Variants in LSS observed in about 807,000 individuals in gnomAD.
LSS encodes the protein lanosterol synthase.
LSS carries 90 observed loss-of-function variants against 110.3 expected under a neutral mutation model. That is an observed-to-expected ratio of 0.82 (90% CI 0.69 to 0.97). The LOEUF is 0.97. Ranked by LOEUF, LSS falls within the 50% of genes least tolerant of loss-of-function variation. The pLI, the probability that LSS is intolerant of heterozygous loss-of-function variation, is 0.00. For missense variants in LSS, 927 were observed against 990.0 expected (o/e 0.94, Z 0.85); for synonymous variants, 433 against 400.0 (o/e 1.08, Z -0.98).
At chr21:46,224,196 T>G (rs892785127) in intron 3 of LSS, among the ~76,000 whole-genome samples, 1 of 152,338 alleles carries the variant, frequency 6.6e-6, no homozygotes, top group South Asian at 2.1e-4. Context: ...CTGTGTCTCC[T>G]CTCTCTGCCT....
intron 15 of LSS, 63 bp downstream of exon 15, chr21:46,207,365 T>C: frequency 2.5e-6 from 4 of 1,580,178 alleles, no homozygotes; most frequent in Non-Finnish European, 3.4e-6. Context: ...GGAGTGGAAG[T>C]GAGCACGCAG....
At chr21:46,212,740 G>C (rs1320583229) in intron 11 of LSS, among the ~76,000 whole-genome samples, 1 of 152,222 alleles carries the variant, frequency 6.6e-6, no homozygotes, top group Non-Finnish European at 1.5e-5. Flanking sequence ...CAAGATGAGA[G>C]CTTCTGCAGC....
intron 3 of LSS, among the ~76,000 whole-genome samples, chr21:46,226,408 G>A (rs1001945106): frequency 1.1e-4 from 16 of 152,190 alleles, no homozygotes; most frequent in Non-Finnish European, 1.6e-4. Flanking sequence ...GTCTAAACAG[G>A]CCCTGATGGG....
intron 17 of LSS, among the ~76,000 whole-genome samples, chr21:46,205,154 T>C (rs966699126): frequency 1.3e-5 from 2 of 152,172 alleles, no homozygotes; most frequent in African/African-American, 4.8e-5. Flanking sequence ...GTGTTCACAG[T>C]AGATGCTTCA....
chr21:46,196,815 G>A (rs2079915833), intron 17 of LSS, among the ~76,000 whole-genome samples: 1 of 152,210 alleles, frequency 6.6e-6, no homozygotes, highest in African/African-American at 2.4e-5. Flanking sequence ...GTGTGACCGC[G>A]ACTCCCATGG....
intron 14 of LSS, 77 bp downstream of exon 14, chr21:46,208,174 T>A: frequency 7.2e-7 from 1 of 1,397,820 alleles, no homozygotes; most frequent in Non-Finnish European, 9.9e-7. Flanking sequence ...AGCCCCCCCT[T>A]CAGAGGGAAG....
chr21:46,193,552 C>A, intron 20 of LSS: 1 of 434,894 alleles, frequency 2.3e-6, no homozygotes. Flanking sequence ...GTGTGTGGCA[C>A]AGATGGGATC....
At chr21:46,219,452 C>G in intron 6 of LSS, 24 bp downstream of exon 6, 2 of 1,548,874 alleles carry the variant, frequency 1.3e-6, no homozygotes, top group Non-Finnish European at 1.8e-6. Context: ...AGCGACCCAA[C>G]AACCCAATCA....
In LSS at chr21:46,210,703, G is replaced by C; in HGVS notation, c.1179C>G (p.Ile393Met). ...AGCCACGAACCTCAAGCAGAGCCTG[G>C]ATGGCGAATGCGGTGTCCCAGATCT... ...GSQIWDTAFA[I>M]QALLEAGGHH... Residue 393 changes from isoleucine to methionine, a missense_variant, in exon 12 of 22, where the codon ATC (isoleucine) becomes ATG (methionine). Physicochemically the swap from Ile to Met is conservative, Grantham distance 10. Transcript: ENST00000397728. 1 of 1,614,060 alleles carries C rather than the reference G, an allele frequency of 6.2e-7. No homozygotes were observed. The highest frequency in any genetic ancestry group is 8.5e-7 in the Non-Finnish European group (1 of 1,180,032).
chr21:46,205,482 C>T (rs1185922518), intron 17 of LSS, among the ~76,000 whole-genome samples: 1 of 152,210 alleles, frequency 6.6e-6, no homozygotes, highest in Non-Finnish European at 1.5e-5. Context: ...CTGTTTGCTT[C>T]AAGAAGACCA....
chr21:46,215,483 C>A (rs1399115836), intron 8 of LSS, among the ~76,000 whole-genome samples, 185 bp from the exon 9 acceptor site: 56 of 151,352 alleles, frequency 3.7e-4, no homozygotes, highest in Non-Finnish European at 5.9e-5. Flanking sequence ...CTACCACACA[C>A]CCTTGCACAG....
rs574831480 is a variant in LSS at position 46,216,157 on chromosome 21, C to A, written c.783+232G>T. On this transcript the variant is annotated intron_variant, in intron 7 of 21. Coordinates refer to ENST00000397728, the MANE Select transcript of LSS (RefSeq NM_002340.6). This position sits in a 1 kb window ranked among gnomAD's most constrained non-coding sequence, Gnocchi z 4.2. ...CATCCCTTGAGTCCTGGAAGTCCCC[C>A]CCAGGAACCCTGGGCTACAGCTACT... Among the ~76,000 whole-genome samples the A allele has an allele frequency of 6.6e-6, 1 of 152,178 alleles. No homozygotes were observed. Among genetic ancestry groups the A allele is most frequent in the Admixed American group, 6.5e-5 (1 of 15,290 alleles).
rs543025517 is a variant in LSS at position 46,195,718 on chromosome 21, C to T, written c.1775G>A (p.Gly592Asp). 6.2e-7 allele frequency: 1 copy of T among 1,613,848 alleles called. No individual in the cohort carries two copies. The highest frequency in any genetic ancestry group is 2.2e-5 in the East Asian group (1 of 44,870). Residue 592 changes from glycine to aspartate, a missense_variant, in exon 19 of 22, where the codon GGC (glycine) becomes GAC (aspartate). Physicochemically the swap from Gly to Asp is moderately conservative, Grantham distance 94 (BLOSUM62 -1). Coordinates refer to ENST00000397728, the MANE Select transcript of LSS (RefSeq NM_002340.6). ...GVCFTYGTWF[G>D]LEAFACMGQT... ...CCCCATACAGGCGAAGGCCTCCAGGCCAAACCAGGTGCCGTAGGTGAAGCA... is the reference window on the plus strand; with the variant it reads ...CCCCATACAGGCGAAGGCCTCCAGGTCAAACCAGGTGCCGTAGGTGAAGCA...
rs2080092141 is a variant in LSS at position 46,209,034 on chromosome 21, G to A, written c.1266+520C>T. ...ACGGGAGGTTGGGGCGCATGTATGG[G>A]ATGACTGTGGCTGCAGACTGGGGTG... is the stretch of plus-strand genomic sequence containing the variant. On this transcript the variant is annotated intron_variant, in intron 13 of 21. Transcript: ENST00000397728. This position sits in a 1 kb window ranked among gnomAD's most constrained non-coding sequence, Gnocchi z 4.4. Among the ~76,000 whole-genome samples, 1 of 152,184 alleles carries A rather than the reference G, an allele frequency of 6.6e-6. No homozygotes were observed. The highest frequency in any genetic ancestry group is 6.5e-5 in the Admixed American group (1 of 15,288).
Position 46,191,884 on chromosome 21 carries a change from C to T in LSS, c.2064G>A (p.Pro688=), listed in dbSNP as rs774062012. The change falls in exon 21 of 22, where the codon CCG becomes CCA. Residue 688 remains proline, a synonymous_variant. Coordinates refer to ENST00000397728, the MANE Select transcript of LSS (RefSeq NM_002340.6). ...LEKQLPNGDW[P]QENIAGVFNK... is the part of the protein sequence containing the mutation. ...GCTCAGGTCCCTGGCGGCATACCTG[C>T]GGCCAGTCGCCATTGGGGAGCTGTT... The T allele has an allele frequency of 2.9e-5, 46 of 1,612,612 alleles. 1 individual carries two copies. Among genetic ancestry groups the T allele is most frequent in the East Asian group, 2.2e-4 (10 of 44,886 alleles).
intron 20 of LSS, chr21:46,193,104 T>A: frequency 2.2e-6 from 1 of 445,724 alleles, no homozygotes; most frequent in Non-Finnish European, 4.5e-6. Flanking sequence ...TGCATCTGCA[T>A]GTGTGTACAC....
intron 5 of LSS, 93 bp from the exon 6 acceptor site, chr21:46,219,665 C>G (rs1472658865): frequency 8.6e-6 from 6 of 701,372 alleles, no homozygotes; most frequent in Non-Finnish European, 1.4e-5. Context: ...CTGGGAGTCA[C>G]GTGTGCCCCT....
intron 20 of LSS, chr21:46,192,569 T>C: frequency 2.5e-6 from 1 of 392,924 alleles, no homozygotes; most frequent in Non-Finnish European, 5.1e-6. Flanking sequence ...CATAGACCTG[T>C]ATGTACATCT....
chr21:46,228,364 A>G, intron 2 of LSS, 70 bp downstream of exon 2: 2 of 1,536,540 alleles, frequency 1.3e-6, no homozygotes, highest in Admixed American at 3.8e-5. Context: ...CCTTTCTGAG[A>G]GAAAACGTGC....
Sources: allele counts gnomAD v4.1 joint callset (sites outside exome capture counted in the v4.1 genomes callset), GRCh38; gene constraint gnomAD v4.1.1; non-coding constraint Gnocchi (gnomAD v3.1); transcripts MANE v1.5; gene names NCBI Gene and HGNC (gene_info 2026-07-23, HGNC 2026-07-21).